TENM3: variants seen among roughly 807,000 people sequenced by gnomAD.
TENM3 encodes the protein teneurin transmembrane protein 3, also known as teneurin-3.
In TENM3, 63 loss-of-function variants were observed where a neutral mutation model predicts 255.1. The observed-to-expected ratio is 0.25, with a 90% CI of 0.20 to 0.30. The LOEUF is 0.30. Among genes scored for constraint, TENM3 ranks in the 10% least tolerant of loss-of-function variants. TENM3 has a pLI of 1.00. For missense variants in TENM3, 2,929 were observed against 3,461.1 expected (o/e 0.85, Z 3.86); for synonymous variants, 1,306 against 1,322.3 (o/e 0.99, Z 0.27).
chr4:181,527,957 T>C, the TENM3 span, among the ~76,000 whole-genome samples: 1 of 152,138 alleles, frequency 6.6e-6, no homozygotes, highest in Non-Finnish European at 1.5e-5. Flanking sequence ...TACTCCATTG[T>C]ATGGATGTAC....
chr4:182,708,239 ATT>A (rs1209172653), intron 12 of TENM3, among the ~76,000 whole-genome samples: 1 of 152,136 alleles, frequency 6.6e-6, no homozygotes, highest in African/African-American at 2.4e-5. Flanking sequence ...GGAAGCCTTT[ATT>A]ATTACCTACA....
At position 182,247,418 on chromosome 4, in the gene TENM3, T is replaced by C. The variant is rs200013944; in HGVS notation, c.-76+3942T>C. ...TTCCATAGAGTGGCCCTCAGACCAT[T>C]GAAAGGGGCCATGGCTAAGGCAGAA... On this transcript the variant is annotated intron_variant, in intron 1 of 27. Transcript: ENST00000511685. Among the ~76,000 whole-genome samples, 10 of 152,304 alleles carry C rather than the reference T, an allele frequency of 6.6e-5. No individual in the cohort carries two copies. The East Asian group carries it at 1.2e-3, about 18-fold the overall frequency.
intron 3 of TENM3, among the ~76,000 whole-genome samples, chr4:182,396,131 G>A (rs1326325515): frequency 6.6e-6 from 1 of 152,134 alleles, no homozygotes; most frequent in Non-Finnish European, 1.5e-5. Context: ...GTGCAGGTTT[G>A]TTACCTGGGT....
the TENM3 span, among the ~76,000 whole-genome samples, chr4:182,018,263 T>G: frequency 6.6e-6 from 1 of 152,186 alleles, no homozygotes; most frequent in Non-Finnish European, 1.5e-5. Flanking sequence ...TCGCCTTCTG[T>G]CCTCTATAGC....
At chr4:181,824,631 A>G in the TENM3 span, among the ~76,000 whole-genome samples, 1 of 152,194 alleles carries the variant, frequency 6.6e-6, no homozygotes, top group African/African-American at 2.4e-5. Flanking sequence ...TCATAACAAC[A>G]TGAGTTGCTG....
chr4:181,460,863 A>C, the TENM3 span, among the ~76,000 whole-genome samples: 2 of 151,880 alleles, frequency 1.3e-5, no homozygotes. Flanking sequence ...TATAAATTCC[A>C]TAATGCATCA....
intron 5 of TENM3, among the ~76,000 whole-genome samples, chr4:182,633,786 G>A (rs1440700420): frequency 6.6e-6 from 1 of 152,182 alleles, no homozygotes; most frequent in African/African-American, 2.4e-5. Flanking sequence ...ACACTATACT[G>A]TCTCCCGTGA....
intron 1 of TENM3, among the ~76,000 whole-genome samples, chr4:182,320,689 GAC>G (rs1222006190): frequency 6.6e-6 from 1 of 152,182 alleles, no homozygotes; most frequent in Non-Finnish European, 1.5e-5. Context: ...CTTTTGGGGA[GAC>G]ACAATTCAAA....
chr4:181,594,058 C>T, the TENM3 span, among the ~76,000 whole-genome samples: 1 of 148,634 alleles, frequency 6.7e-6, no homozygotes, highest in South Asian at 2.1e-4. Flanking sequence ...TCAGTGAATA[C>T]AGAAGTGATA....
At chr4:182,120,418 G>A in the TENM3 span, among the ~76,000 whole-genome samples, 15 of 152,174 alleles carry the variant, frequency 9.9e-5, no homozygotes, top group East Asian at 3.9e-4. Flanking sequence ...TCTGCCAAGC[G>A]ATGCACAACT....
At chr4:181,903,943 T>TATAAAACA in the TENM3 span, among the ~76,000 whole-genome samples, 2 of 152,150 alleles carry the variant, frequency 1.3e-5, no homozygotes, top group African/African-American at 4.8e-5. Context: ...ATGTTGTCTC[T>TATAAAACA]ATAAAACAAT....
chr4:182,504,148 A>G (rs1279559218), intron 3 of TENM3, among the ~76,000 whole-genome samples: 2 of 151,912 alleles, frequency 1.3e-5, no homozygotes, highest in African/African-American at 2.4e-5. Flanking sequence ...AAACTGCTCA[A>G]ACATATCTAA....
chr4:181,577,181 TTATATATTA>T, the TENM3 span, among the ~76,000 whole-genome samples: 13 of 129,378 alleles, frequency 1.0e-4, no homozygotes, highest in South Asian at 4.5e-4. Flanking sequence ...TTATATTATA[TTATATATTA>T]TATATATTAT....
At chr4:181,906,169 T>TTC in the TENM3 span, 1 of 264,302 alleles carries the variant, frequency 3.8e-6, no homozygotes. Flanking sequence ...ATCAATGTGA[T>TTC]TCTATTAAGA....
chr4:181,919,929 T>G, the TENM3 span, among the ~76,000 whole-genome samples: 1 of 128,070 alleles, frequency 7.8e-6, no homozygotes, highest in Non-Finnish European at 1.6e-5. Context: ...TTCCCCTTCC[T>G]GTGTCCATGT....
At chr4:182,582,658 T>A (rs539263707) in intron 3 of TENM3, among the ~76,000 whole-genome samples, 57 of 152,288 alleles carry the variant, frequency 3.7e-4, no homozygotes, top group South Asian at 1.7e-3. Context: ...GTCCTTTTTT[T>A]AAAAAAGTAG....
chr4:182,605,859 A>G lies in TENM3; in HGVS notation c.749+4698A>G, dbSNP rs191458158. 3.3e-5 allele frequency among the ~76,000 whole-genome samples: 5 copies of G among 152,332 alleles called. No homozygotes were observed. The East Asian group carries it at 9.7e-4, about 29-fold the overall frequency. ...TGCAGAGTGAGAAGGGGCCATATCA[A>G]CAGTTACCCTGGAATTGCAGCATAA... is the stretch of plus-strand genomic sequence containing the variant. On this transcript the variant is annotated intron_variant, in intron 4 of 27. Transcript: ENST00000511685.
intron 19 of TENM3, among the ~76,000 whole-genome samples, chr4:182,747,813 A>G (rs1297606234): frequency 6.6e-6 from 1 of 152,222 alleles, no homozygotes; most frequent in Non-Finnish European, 1.5e-5. Context: ...ATATTTAAAA[A>G]TCAAGCAGGC....
chr4:181,516,768 C>T, the TENM3 span, among the ~76,000 whole-genome samples: 1 of 138,214 alleles, frequency 7.2e-6, no homozygotes, highest in South Asian at 2.7e-4. Context: ...AAGGGCGAAA[C>T]TCCATCTCCA....
Sources: gnomAD v4.1 joint callset for allele counts (sites outside exome capture counted in the v4.1 genomes callset) on GRCh38, gnomAD v4.1.1 for gene constraint, MANE v1.5 for transcripts, NCBI Gene and HGNC (gene_info 2026-07-23, HGNC 2026-07-21) for gene names.